IL1RL1: variants seen among roughly 807,000 people sequenced by gnomAD.
The protein encoded by IL1RL1 is interleukin-1 receptor-like 1.
IL1RL1 carries 32 observed loss-of-function variants against 50.9 expected under a neutral mutation model. The observed-to-expected ratio is 0.63, with a 90% CI of 0.47 to 0.84. The LOEUF is 0.84. Among genes scored for constraint, IL1RL1 ranks in the 40% least tolerant of loss-of-function variants. The pLI is 0.00. For missense variants in IL1RL1, 773 were observed against 662.9 expected, an observed-to-expected ratio of 1.17 and a Z score of -1.82; for synonymous variants, 275 against 236.0, an observed-to-expected ratio of 1.17 and a Z score of -1.51.
Position 102,343,547 on chromosome 2 carries a change from G to A in IL1RL1, c.970+132G>A, listed in dbSNP as rs12905. ...GCCATAAAATGTGCTTCTCTTCTTC[G>A]GGATGTTGTTTGCTGTCTGATCTTT... is the stretch of plus-strand genomic sequence containing the variant. On this transcript the variant is annotated intron_variant, in intron 8 of 10. Coordinates refer to ENST00000233954, the MANE Select transcript of IL1RL1 (RefSeq NM_016232.5). The A allele has an allele frequency of 0.27, 422,002 of 1,564,902 alleles. 59,315 individuals carry two copies. The highest frequency in any genetic ancestry group is 0.39 in the East Asian group (17,235 of 44,416).
intron 1 of IL1RL1, among the ~76,000 whole-genome samples, chr2:102,331,094 A>T (rs149978662): frequency 6.6e-6 from 1 of 152,304 alleles, no homozygotes; most frequent in Non-Finnish European, 1.5e-5. Flanking sequence ...TCTTTGATCA[A>T]CATGTCTGTC....
chr2:102,345,581 G>A (rs1399779400), intron 8 of IL1RL1: 1 of 985,492 alleles, frequency 1.0e-6, no homozygotes, highest in African/African-American at 1.7e-5. Context: ...AAGGATAGGG[G>A]TGTGGGGACA....
rs558935842 is a variant in IL1RL1, at chr2:102,338,856, G to A, written c.81G>A (p.Leu27=). Residue 27 remains leucine (L), a synonymous_variant, in exon 3 of 11, where the codon CTG becomes CTA. Transcript: ENST00000233954. ...AAKFSKQSWG[L]ENEALIVRCP... is the part of the protein sequence containing the mutation. ...TTGCAGGTAAACAATCATGGGGCCTGGAAAATGAGGCTTTAATTGTAAGAT... is the reference window on the plus strand; with the variant it reads ...TTGCAGGTAAACAATCATGGGGCCTAGAAAATGAGGCTTTAATTGTAAGAT... The A allele has an allele frequency of 6.2e-7, 1 of 1,612,902 alleles. No homozygotes were observed. The highest frequency in any genetic ancestry group is 1.1e-5 in the South Asian group (1 of 91,050).
rs537497626 is a variant in IL1RL1 at position 102,341,084 on chromosome 2, A to G, written c.610+256A>G. ...TTCTTTATTCTTTTTTTGTGACTTAATTTTCCAAAGATAAAGCAATCTGAA... is the reference window on the plus strand; with the variant it reads ...TTCTTTATTCTTTTTTTGTGACTTAGTTTTCCAAAGATAAAGCAATCTGAA... On this transcript the variant is annotated intron_variant, in intron 5 of 10. Transcript: ENST00000233954. The G allele has an allele frequency of 1.0e-4, 78 of 761,328 alleles. No homozygotes were observed. The African/African-American group carries it at 1.3e-3, about 13-fold the overall frequency. The allele number at this position is 761,328 out of a possible 1,614,324, so 47.2% of individuals were successfully genotyped here.
chr2:102,316,370 T>C (rs1205785244), intron 1 of IL1RL1, among the ~76,000 whole-genome samples: 1 of 152,210 alleles, frequency 6.6e-6, no homozygotes, highest in Non-Finnish European at 1.5e-5. Flanking sequence ...CATCTCATAC[T>C]TTTTATGTAA....
chr2:102,351,694 A>G lies in IL1RL1; in HGVS notation c.1444A>G (p.Met482Val), dbSNP rs1473510622. 1.9e-6 allele frequency: 3 copies of G among 1,614,110 alleles called. No individual in the cohort carries two copies. In the Admixed American group the frequency reaches 5.0e-5, roughly 27 times the overall value. Residue 482 changes from methionine to valine, a missense_variant, in exon 11 of 11, where the codon ATG (methionine) becomes GTG (valine). By Grantham distance (21) the Met-to-Val change is conservative. Coordinates refer to ENST00000233954, the MANE Select transcript of IL1RL1 (RefSeq NM_016232.5). ...QNDAKVILIEMEALSELDMLQ... is the reference protein window; with the variant it reads ...QNDAKVILIEVEALSELDMLQ... Reference sequence around the variant, plus strand: ...CGACGCCAAGGTGATACTTATTGAGATGGAGGCTCTGAGCGAGCTGGACAT... The same window carrying G: ...CGACGCCAAGGTGATACTTATTGAGGTGGAGGCTCTGAGCGAGCTGGACAT...
intron 1 of IL1RL1, among the ~76,000 whole-genome samples, chr2:102,324,013 C>CTTTTTT (rs33934744): frequency 1.3e-4 from 18 of 138,266 alleles, no homozygotes; most frequent in East Asian, 1.1e-3. Flanking sequence ...ATCAGTAGTT[C>CTTTTTT]TTTTTTTTTT....
In IL1RL1 at chr2:102,338,276, G is replaced by T. The variant is rs1356759799; in HGVS notation, c.12G>T (p.Trp4Cys). ...GATTGATAAACAGAATGGGGTTTTGGATCTTAGCAATTCTCACAATTCTCA... is the reference window on the plus strand; with the variant it reads ...GATTGATAAACAGAATGGGGTTTTGTATCTTAGCAATTCTCACAATTCTCA... MGF[W>C]ILAILTILMY... Residue 4 changes from tryptophan to cysteine, a missense_variant, in exon 2 of 11, where the codon TGG becomes TGT. By Grantham distance (215) the Trp-to-Cys change is radical. Coordinates refer to ENST00000233954, the MANE Select transcript of IL1RL1 (RefSeq NM_016232.5). 1.9e-6 allele frequency: 3 copies of T among 1,606,416 alleles called. No individual in the cohort carries two copies. Among genetic ancestry groups the T allele is most frequent in the African/African-American group, 2.7e-5 (2 of 74,866 alleles).
At chr2:102,342,777 T>G (rs1405678900) in intron 6 of IL1RL1, among the ~76,000 whole-genome samples, 2 of 152,136 alleles carry the variant, frequency 1.3e-5, no homozygotes, top group Non-Finnish European at 2.9e-5. Flanking sequence ...GAAGGCAGAA[T>G]CATTGGCCTT....
chr2:102,338,169 C>A lies in IL1RL1; in HGVS notation c.-96C>A. The A allele has an allele frequency of 1.4e-6, 1 of 712,626 alleles. No individual in the cohort carries two copies. Among genetic ancestry groups the A allele is most frequent in the Non-Finnish European group, 2.5e-6 (1 of 405,944 alleles). The allele number at this position is 712,626 out of a possible 1,614,324, so 44.1% of individuals were successfully genotyped here. ...AGTCTTGAAGAGTATCACCAACTGC[C>A]TCATGTGTGGTGACCTTCACTGTCG... On this transcript the variant is annotated 5_prime_UTR_variant, in exon 2 of 11. Coordinates refer to ENST00000233954, the MANE Select transcript of IL1RL1 (RefSeq NM_016232.5).
chr2:102,326,832 A>G (rs1271958423), intron 1 of IL1RL1, among the ~76,000 whole-genome samples: 1 of 152,206 alleles, frequency 6.6e-6, no homozygotes. Context: ...CACCCAATAC[A>G]GGAGCACCCA....
intron 1 of IL1RL1, among the ~76,000 whole-genome samples, chr2:102,323,244 G>GTT (rs78759605): frequency 1.9e-4 from 17 of 88,382 alleles, no homozygotes; most frequent in Admixed American, 3.0e-4. Flanking sequence ...TTTTTGTTAG[G>GTT]TTTTATATAT....
intron 1 of IL1RL1, among the ~76,000 whole-genome samples, chr2:102,319,077 T>A (rs1676761802): frequency 6.6e-6 from 1 of 152,166 alleles, no homozygotes; most frequent in South Asian, 2.1e-4. Flanking sequence ...CAGCAGGCTA[T>A]ATCTTCCTGG....
chr2:102,348,729 C>T (rs1481928832), intron 9 of IL1RL1, among the ~76,000 whole-genome samples: 1 of 152,130 alleles, frequency 6.6e-6, no homozygotes, highest in Non-Finnish European at 1.5e-5. Context: ...TTTCACTTCC[C>T]CAGGGGAGTA....
At chr2:102,345,037 C>A (rs1487409980) in intron 8 of IL1RL1, 12 of 945,766 alleles carry the variant, frequency 1.3e-5, no homozygotes, top group Non-Finnish European at 1.5e-5. Context: ...TTGGTGGCAT[C>A]ACAAATAGCC....
At chr2:102,348,946 T>G in intron 9 of IL1RL1, 133 bp from the exon 10 acceptor site, 1 of 650,186 alleles carries the variant, frequency 1.5e-6, no homozygotes, top group Non-Finnish European at 2.7e-6. Context: ...CAACATCTCT[T>G]GAGTCTAGAA....
chr2:102,333,066 C>T (rs915029248), intron 1 of IL1RL1, among the ~76,000 whole-genome samples: 2 of 152,056 alleles, frequency 1.3e-5, no homozygotes, highest in African/African-American at 2.4e-5. Flanking sequence ...GGTGTTCCAT[C>T]GTGTGGTACC....
intron 10 of IL1RL1, among the ~76,000 whole-genome samples, chr2:102,349,693 A>T (rs1349783565): frequency 6.6e-6 from 1 of 152,196 alleles, no homozygotes; most frequent in Non-Finnish European, 1.5e-5. Flanking sequence ...TTGGTGAAAC[A>T]TTTGCAAATT....
intron 5 of IL1RL1, chr2:102,341,281 A>T (rs934918941): frequency 1.7e-5 from 21 of 1,256,510 alleles, no homozygotes; most frequent in Non-Finnish European, 2.2e-5. Flanking sequence ...GTGATGGTAT[A>T]CTATGGTGTA....
Sources: gnomAD v4.1 joint callset for allele counts (sites outside exome capture counted in the v4.1 genomes callset) on GRCh38, gnomAD v4.1.1 for gene constraint, MANE v1.5 for transcripts, NCBI Gene and HGNC (gene_info 2026-07-23, HGNC 2026-07-21) for gene names.